Variants in SULF1 observed in about 807,000 individuals in gnomAD.
The protein encoded by SULF1 is sulfatase 1, also known as extracellular sulfatase Sulf-1.
In SULF1, 46 loss-of-function variants were observed where a neutral mutation model predicts 110.5. The observed-to-expected ratio is 0.42, with a 90% CI of 0.33 to 0.53. The LOEUF (loss-of-function observed/expected upper bound fraction) is 0.53. Among genes scored for constraint, SULF1 ranks in the 20% least tolerant of loss-of-function variants. The pLI is 0.12. For synonymous variants in SULF1, 371 were observed against 387.1 expected, an observed-to-expected ratio of 0.96 and a Z score of 0.49; for missense variants, 941 against 1,094.2, an observed-to-expected ratio of 0.86 and a Z score of 1.98.
At chr8:69,497,994 T>C (rs1324746676) in intron 2 of SULF1, among the ~76,000 whole-genome samples, 2 of 152,186 alleles carry the variant, frequency 1.3e-5, no homozygotes, top group African/African-American at 4.8e-5. Flanking sequence ...TCCAACATTT[T>C]ATAGAATTTT....
At chr8:69,596,370 G>C (rs1230120695) in intron 8 of SULF1, among the ~76,000 whole-genome samples, 5 of 151,852 alleles carry the variant, frequency 3.3e-5, no homozygotes, top group Non-Finnish European at 7.4e-5. Flanking sequence ...CTGGTCTTTT[G>C]TCCTCTCAAT....
At chr8:69,520,898 C>A (rs1205993407) in intron 3 of SULF1, among the ~76,000 whole-genome samples, 1 of 152,150 alleles carries the variant, frequency 6.6e-6, no homozygotes, top group Non-Finnish European at 1.5e-5. Context: ...TAAAATGAGG[C>A]CACTCAACCT....
At chr8:69,589,472 A>G (rs1349360064) in intron 8 of SULF1, among the ~76,000 whole-genome samples, 1 of 152,238 alleles carries the variant, frequency 6.6e-6, no homozygotes, top group Non-Finnish European at 1.5e-5. Flanking sequence ...TGATCTAATA[A>G]TGATGATGAT....
At chr8:69,488,749 G>A (rs543247905), upstream of SULF1, among the ~76,000 whole-genome samples, 3 of 152,132 alleles carry the variant, frequency 2.0e-5, no homozygotes, top group Middle Eastern at 3.4e-3. Context: ...CAGCTTAAAA[G>A]TCACATAAAC....
rs10087083 is a variant in SULF1, at chr8:69,609,278, C to T, written c.1377+4346C>T. Among the ~76,000 whole-genome samples, 1,217 of 152,104 alleles carry T rather than the reference C, an allele frequency of 8.0e-3. 15 individuals are homozygous for T. The highest frequency in any genetic ancestry group is 0.028 in the African/African-American group (1,150 of 41,492). ...AGGGAATCGCTTGAGCCTAGGAAGT[C>T]GAGGCTGCAGTGAGCCGTGATCGTG... On this transcript the variant is annotated intron_variant, in intron 13 of 22. Transcript: ENST00000402687.
intron 5 of SULF1, 39 bp from the exon 6 acceptor site, chr8:69,575,931 C>A: frequency 6.2e-7 from 1 of 1,603,884 alleles, no homozygotes; most frequent in African/African-American, 1.3e-5. Context: ...CATTCATGTG[C>A]TGCACTTTGC....
At chr8:69,495,568 T>A (rs1484096232) in intron 1 of SULF1, among the ~76,000 whole-genome samples, 197 bp from the exon 2 acceptor site, 1 of 152,190 alleles carries the variant, frequency 6.6e-6, no homozygotes, top group Admixed American at 6.5e-5. Flanking sequence ...CTCATTAACT[T>A]TTCAATAGGA....
At chr8:69,570,914 T>C (rs893926661) in intron 5 of SULF1, among the ~76,000 whole-genome samples, 2 of 152,158 alleles carry the variant, frequency 1.3e-5, no homozygotes, top group Admixed American at 1.3e-4. Context: ...ACCTTCCCTC[T>C]CATCAAGCCA....
chr8:69,590,805 C>A (rs1479180646), intron 8 of SULF1, among the ~76,000 whole-genome samples: 1 of 152,220 alleles, frequency 6.6e-6, no homozygotes, highest in African/African-American at 2.4e-5. Context: ...CTATATACAA[C>A]TCTGCGAGTA....
chr8:69,608,244 C>A (rs1201444938), intron 13 of SULF1, among the ~76,000 whole-genome samples: 1 of 152,204 alleles, frequency 6.6e-6, no homozygotes, highest in African/African-American at 2.4e-5. Context: ...ATTAACCTCA[C>A]CCTTGTGAGG....
chr8:69,612,516 G>C (rs1808743815), intron 13 of SULF1, among the ~76,000 whole-genome samples: 1 of 151,904 alleles, frequency 6.6e-6, no homozygotes, highest in South Asian at 2.1e-4. Flanking sequence ...AACATCTATT[G>C]TTTTGTTTTG....
chr8:69,614,095 G>GTAA (rs144856244), intron 13 of SULF1, among the ~76,000 whole-genome samples: 2 of 151,864 alleles, frequency 1.3e-5, no homozygotes, highest in South Asian at 2.1e-4. Flanking sequence ...GTGTATGTAT[G>GTAA]TAATAATAAT....
At chr8:69,520,502 CA>C (rs1174056083) in intron 3 of SULF1, among the ~76,000 whole-genome samples, 1 of 151,976 alleles carries the variant, frequency 6.6e-6, no homozygotes, top group Non-Finnish European at 1.5e-5. Flanking sequence ...GATAGGATAA[CA>C]AAAAACTGGT....
Position 69,504,410 on chromosome 8 carries a change from C to G in SULF1, c.-134+2442C>G, listed in dbSNP as rs185126478. ...CTCTACTAAAAATACAAAAAATTAG[C>G]CGGGCGTGGTGGTGCGCGCCTGTAA... On this transcript the variant is annotated intron_variant, in intron 3 of 22. Coordinates refer to ENST00000402687, the MANE Select transcript of SULF1 (RefSeq NM_001128205.2). Among the ~76,000 whole-genome samples the G allele has an allele frequency of 1.6e-3, 242 of 152,064 alleles. 2 individuals are homozygous for G. The highest frequency in any genetic ancestry group is 5.6e-3 in the African/African-American group (231 of 41,502).
intron 3 of SULF1, among the ~76,000 whole-genome samples, chr8:69,540,707 T>C (rs1361077781): frequency 6.6e-6 from 1 of 152,148 alleles, no homozygotes; most frequent in African/African-American, 2.4e-5. Context: ...GTTCTTGCTG[T>C]AGGATCATAT....
At chr8:69,493,458 C>CT (rs776516799) in intron 1 of SULF1, among the ~76,000 whole-genome samples, 1 of 47,390 alleles carries the variant, frequency 2.1e-5, no homozygotes, top group East Asian at 2.6e-3. Flanking sequence ...TACACACACA[C>CT]ACACACACAC....
At chr8:69,526,831 A>AAGGAAGGAAGGG (rs1302758516) in intron 3 of SULF1, among the ~76,000 whole-genome samples, 5 of 143,934 alleles carry the variant, frequency 3.5e-5, no homozygotes, top group East Asian at 2.0e-4. Flanking sequence ...GGAAGGAAGG[A>AAGGAAGGAAGGG]AGGAAGGAAG....
At chr8:69,469,768 A>G (rs988333513) in intron 1 of SULF1, among the ~76,000 whole-genome samples, 9 of 152,220 alleles carry the variant, frequency 5.9e-5, no homozygotes, top group Admixed American at 5.2e-4. Flanking sequence ...AGGACCGGGC[A>G]CAGTGGCTCA....
intron 3 of SULF1, among the ~76,000 whole-genome samples, chr8:69,507,399 C>T (rs187720696): frequency 2.0e-5 from 3 of 152,228 alleles, no homozygotes; most frequent in African/African-American, 4.8e-5. Flanking sequence ...ATCTTGAGTC[C>T]TTAGTTCCAA....
Sources: allele counts gnomAD v4.1 joint callset (sites outside exome capture counted in the v4.1 genomes callset), GRCh38; gene constraint gnomAD v4.1.1; transcripts MANE v1.5; gene names NCBI Gene and HGNC (gene_info 2026-07-23, HGNC 2026-07-21).